Variants in BAHCC1 observed in about 807,000 individuals in gnomAD.
BAHCC1 encodes BAH and coiled-coil domain-containing protein 1.
Under a neutral mutation model 88.2 loss-of-function variants are expected in BAHCC1, and 43 were observed. The ratio of observed to expected loss-of-function variants is 0.49; its 90% CI spans 0.38 to 0.63. The LOEUF is 0.63. Among genes scored for constraint, BAHCC1 ranks in the 20% least tolerant of loss-of-function variants. BAHCC1 has a pLI of 0.00. For missense variants in BAHCC1, 3,023 were observed against 1,654.8 expected, an observed-to-expected ratio of 1.83 and a Z score of -14.34; for synonymous variants, 1,510 against 745.5, an observed-to-expected ratio of 2.03 and a Z score of -16.71.
At chr17:81,409,963 G>A in intron 2 of BAHCC1, 1 of 233,066 alleles carries the variant, frequency 4.3e-6, no homozygotes, top group South Asian at 3.5e-5. Context: ...GTGTAATGGG[G>A]CCCTGCCAAG....
intron 2 of BAHCC1, among the ~76,000 whole-genome samples, chr17:81,426,130 GT>G: frequency 8.1e-6 from 1 of 123,174 alleles, no homozygotes; most frequent in African/African-American, 2.8e-5. Context: ...GGTGATAGTG[GT>G]TGGTGGTGAT....
rs752862808 is a variant in BAHCC1, at chr17:81,464,004, G to A, written c.*187G>A. 4.0e-5 allele frequency: 24 copies of A among 605,276 alleles called. No homozygotes were observed. The Middle Eastern group carries it at 2.2e-3, about 55-fold the overall frequency. The allele number at this position is 605,276 out of a possible 1,614,324, so 37.5% of individuals were successfully genotyped here. On this transcript the variant is annotated 3_prime_UTR_variant, in exon 28 of 28. Coordinates refer to ENST00000675386, the MANE Select transcript of BAHCC1 (RefSeq NM_001377448.1). ...CCCTGGAAAGAGCGCTCCAGGTGTC[G>A]GAATCCAGTCCCGTCCCATCCTCTG... is the stretch of plus-strand genomic sequence containing the variant.
At chr17:81,453,000 C>T in intron 14 of BAHCC1, 149 bp downstream of exon 14, 1 of 561,558 alleles carries the variant, frequency 1.8e-6, no homozygotes, top group Non-Finnish European at 3.1e-6. Flanking sequence ...CCTTCCTAGA[C>T]CATCGAGAGT....
intron 10 of BAHCC1, chr17:81,446,820 T>C (rs2064536915): frequency 1.5e-6 from 1 of 681,800 alleles, no homozygotes; most frequent in Non-Finnish European, 2.7e-6. Context: ...CCCAAAGTTT[T>C]GGGATTACAG....
At chr17:81,441,413 A>G (rs970427693) in intron 4 of BAHCC1, among the ~76,000 whole-genome samples, 8 of 152,228 alleles carry the variant, frequency 5.3e-5, no homozygotes, top group Admixed American at 2.0e-4. Flanking sequence ...CTGTAATCCC[A>G]GTACTTTGGG....
intron 11 of BAHCC1, among the ~76,000 whole-genome samples, chr17:81,448,681 A>G (rs1555655157): frequency 6.6e-6 from 1 of 152,074 alleles, no homozygotes; most frequent in Non-Finnish European, 1.5e-5. Context: ...GTTCTCGAAC[A>G]GTGCATTTCC....
chr17:81,455,415 C>T (rs782342418), intron 15 of BAHCC1, 25 bp downstream of exon 15: 4 of 713,378 alleles, frequency 5.6e-6, no homozygotes, highest in Admixed American at 2.0e-5. Context: ...GCCCGCCTTG[C>T]CCCAGGGCCC....
intron 1 of BAHCC1, chr17:81,396,502 G>A (rs1598441508): frequency 6.6e-6 from 1 of 152,112 alleles, no homozygotes; most frequent in Non-Finnish European, 1.5e-5. Context: ...CGCAGGGAGC[G>A]GGTTCTGCGG....
rs2064500153 is a variant in BAHCC1, at chr17:81,445,126, T to G, written c.2783T>G (p.Leu928Arg). 1 of 773,968 alleles carries G rather than the reference T, an allele frequency of 1.3e-6. No individual in the cohort carries two copies. Among genetic ancestry groups the G allele is most frequent in the South Asian group, 1.4e-5 (1 of 73,438 alleles). 47.9% of individuals were successfully genotyped at this position (773,968 alleles called of 1,614,324 possible). The change falls in exon 9 of 28, where the codon CTC becomes CGC. Residue 928 changes from leucine to arginine, a missense_variant. By Grantham distance (102) the Leu-to-Arg change is moderately radical. Transcript: ENST00000675386. The part of the protein sequence containing the change: ...QLPVYSRPQL[L>R]RQQELYALQQ... ...CCTGTGTACTCGAGGCCGCAGCTCC[T>G]CCGGCAGCAGGAGCTCTATGCTTTG... is the stretch of plus-strand genomic sequence containing the variant.
intron 1 of BAHCC1, chr17:81,396,008 G>C (rs2063742798): frequency 6.6e-6 from 1 of 152,256 alleles, no homozygotes; most frequent in Non-Finnish European, 1.5e-5. Flanking sequence ...AGCCGCGCGG[G>C]TGGCACCGGG....
intron 2 of BAHCC1, chr17:81,410,997 C>T: frequency 2.0e-6 from 1 of 495,212 alleles, no homozygotes; most frequent in Middle Eastern, 4.2e-4. Context: ...TTCGGAGCCG[C>T]ACCTGGGTCT....
intron 2 of BAHCC1, chr17:81,406,796 T>TC: frequency 2.3e-6 from 1 of 437,170 alleles, no homozygotes; most frequent in Non-Finnish European, 4.6e-6. Context: ...GGCGCCCAGG[T>TC]CCTGGTTATG....
At chr17:81,452,221 A>C in intron 13 of BAHCC1, 114 bp downstream of exon 13, 1 of 504,444 alleles carries the variant, frequency 2.0e-6, no homozygotes, top group South Asian at 3.2e-5. Context: ...TCTGCCCCCT[A>C]CCTGTGGGCA....
Position 81,447,131 on chromosome 17 carries a change from C to G in BAHCC1, c.3259C>G (p.Gln1087Glu), listed in dbSNP as rs781984810. ...SSNLEDPETM[Q>E]TTAPGAQPEP... Reference sequence around the variant, plus strand: ...TAACCTCGAGGACCCTGAAACTATGCAAACCACCGCCCCGGGGGCCCAGCC... The same window carrying G: ...TAACCTCGAGGACCCTGAAACTATGGAAACCACCGCCCCGGGGGCCCAGCC... Residue 1087 changes from glutamine to glutamate, a missense_variant, in exon 11 of 28, where the codon CAA (glutamine) becomes GAA (glutamate). Transcript: ENST00000675386. 1.4e-5 allele frequency: 11 copies of G among 778,920 alleles called. No homozygotes were observed. Among genetic ancestry groups the G allele is most frequent in the Non-Finnish European group, 2.4e-5 (10 of 417,814 alleles). The allele number at this position is 778,920 out of a possible 1,614,324, so 48.3% of individuals were successfully genotyped here.
At chr17:81,423,689 C>T (rs191526324) in intron 2 of BAHCC1, among the ~76,000 whole-genome samples, 3 of 152,340 alleles carry the variant, frequency 2.0e-5, no homozygotes, top group Non-Finnish European at 4.4e-5. Context: ...ACCCACGGAG[C>T]AGCAGGGCCA....
At chr17:81,439,530 G>A (rs55868905) in intron 4 of BAHCC1, among the ~76,000 whole-genome samples, 38,109 of 151,332 alleles carry the variant, frequency 0.25, 5,342 homozygotes, top group Non-Finnish European at 0.33. Flanking sequence ...GATCCGAGAG[G>A]TGTCTGGACA....
chr17:81,404,350 T>C (rs2063854245), intron 2 of BAHCC1, among the ~76,000 whole-genome samples: 1 of 152,260 alleles, frequency 6.6e-6, no homozygotes, highest in Non-Finnish European at 1.5e-5. Flanking sequence ...ATAAAAATAA[T>C]AATTTACTAG....
rs782507787 is a variant in BAHCC1 at position 81,463,592 on chromosome 17, C to T, written c.7621-19C>T. On this transcript the variant is annotated intron_variant, in intron 27 of 27. Transcript: ENST00000675386. ...CTGGCCAAGGCCGGCCACTGATGCCCCGCGCGCCTTGCCCCCAGAATGCGC... is the reference window on the plus strand; with the variant it reads ...CTGGCCAAGGCCGGCCACTGATGCCTCGCGCGCCTTGCCCCCAGAATGCGC... 11 of 778,942 alleles carry T rather than the reference C, an allele frequency of 1.4e-5. 1 individual carries two copies. The highest frequency in any genetic ancestry group is 1.3e-4 in the South Asian group (10 of 74,560). The allele number at this position is 778,942 out of a possible 1,614,324, so 48.3% of individuals were successfully genotyped here.
intron 18 of BAHCC1, 73 bp downstream of exon 18, chr17:81,458,539 C>G (rs1463780732): frequency 3.0e-6 from 2 of 677,582 alleles, no homozygotes; most frequent in Non-Finnish European, 5.5e-6. Context: ...CGCCCTCCCC[C>G]GCACGCTGGC....
Sources: gnomAD v4.1 joint callset for allele counts (sites outside exome capture counted in the v4.1 genomes callset) on GRCh38, gnomAD v4.1.1 for gene constraint, MANE v1.5 for transcripts, NCBI Gene and HGNC (gene_info 2026-07-23, HGNC 2026-07-21) for gene names.